LIN54: variants seen among roughly 807,000 people sequenced by gnomAD.
LIN54 encodes protein lin-54 homolog.
A neutral mutation model predicts 78.7 loss-of-function variants in LIN54; 9 were observed. The observed-to-expected ratio is 0.11, with a 90% CI of 0.07 to 0.20. The LOEUF (loss-of-function observed/expected upper bound fraction) is 0.20. Among genes scored for constraint, LIN54 ranks in the 10% least tolerant of loss-of-function variants. The pLI is 1.00. For synonymous variants in LIN54, 269 were observed against 318.4 expected, an observed-to-expected ratio of 0.84 and a Z score of 1.65; for missense variants, 573 against 889.9, an observed-to-expected ratio of 0.64 and a Z score of 4.53.
intron 12 of LIN54, among the ~76,000 whole-genome samples, chr4:82,929,292 ATT>A (rs1011068125): frequency 1.3e-5 from 2 of 152,038 alleles, no homozygotes; most frequent in African/African-American, 2.4e-5. Flanking sequence ...TAATTTTATA[ATT>A]TTGTTTTCAT....
chr4:83,007,849 C>A (rs975936761), intron 1 of LIN54, among the ~76,000 whole-genome samples: 26 of 151,870 alleles, frequency 1.7e-4, no homozygotes, highest in African/African-American at 5.8e-4. Flanking sequence ...AGATCCACTG[C>A]ACCCTAACCT....
intron 5 of LIN54, among the ~76,000 whole-genome samples, chr4:82,945,351 T>C (rs1723269162): frequency 6.6e-6 from 1 of 152,108 alleles, no homozygotes; most frequent in Non-Finnish European, 1.5e-5. Context: ...TTTAGAAAAG[T>C]AGCTAAATAT....
chr4:82,994,046 T>A (rs575173274), intron 1 of LIN54, among the ~76,000 whole-genome samples: 1 of 152,298 alleles, frequency 6.6e-6, no homozygotes, highest in African/African-American at 2.4e-5. Flanking sequence ...AAATGATTGA[T>A]TGATTTTAAA....
At chr4:82,979,805 C>G (rs1050478421) in intron 2 of LIN54, among the ~76,000 whole-genome samples, 1 of 151,434 alleles carries the variant, frequency 6.6e-6, no homozygotes, top group Middle Eastern at 3.2e-3. Flanking sequence ...GGTGTGGTGG[C>G]GCACACCTAT....
In LIN54 at chr4:83,010,539, G is replaced by A. The variant is rs527237530; in HGVS notation, c.-88C>T. On this transcript the variant is annotated 5_prime_UTR_variant, in exon 1 of 13. Coordinates refer to ENST00000340417, the MANE Select transcript of LIN54 (RefSeq NM_194282.4). ...GGCTCCGAGGTAGGGGCTCCAGAAGGTCCTGGGCAATCCCGAGCCCCGGCG... is the reference window on the plus strand; with the variant it reads ...GGCTCCGAGGTAGGGGCTCCAGAAGATCCTGGGCAATCCCGAGCCCCGGCG... 4.2e-5 allele frequency: 50 copies of A among 1,201,056 alleles called. No homozygotes were observed. In the East Asian group the frequency reaches 1.3e-3, roughly 31 times the overall value. 74.4% of individuals were successfully genotyped at this position (1,201,056 alleles called of 1,614,324 possible).
chr4:82,974,598 G>A (rs1041514064), intron 3 of LIN54, among the ~76,000 whole-genome samples: 3 of 151,922 alleles, frequency 2.0e-5, no homozygotes, highest in East Asian at 1.9e-4. Flanking sequence ...TTAGCCGGGC[G>A]TGATGGCACA....
rs568809305 is a variant in LIN54 at position 82,938,289 on chromosome 4, T to G, written c.1532+124A>C. ...GTTTGAAATATTTCAACAAGTATTT[T>G]AGAGGCATGCTCACATGGCTTTAAG... On this transcript the variant is annotated intron_variant, in intron 8 of 12. Transcript: ENST00000340417. 278 of 586,256 alleles carry G rather than the reference T, an allele frequency of 4.7e-4. 2 individuals carry two copies. Among genetic ancestry groups the G allele is most frequent in the Middle Eastern group, 2.1e-3 (8 of 3,746 alleles). The allele number at this position is 586,256 out of a possible 1,614,324, so 36.3% of individuals were successfully genotyped here. A position where few individuals can be genotyped will look rare whatever the true frequency, so the allele number is the denominator to read the frequency against.
At chr4:82,969,588 T>C (rs1015179961) in intron 4 of LIN54, among the ~76,000 whole-genome samples, 1 of 152,208 alleles carries the variant, frequency 6.6e-6, no homozygotes, top group African/African-American at 2.4e-5. Context: ...GTAAGGCAAA[T>C]GTTTAACGTT....
intron 1 of LIN54, among the ~76,000 whole-genome samples, chr4:82,991,875 G>A (rs1727745145): frequency 6.6e-6 from 1 of 151,698 alleles, no homozygotes; most frequent in Non-Finnish European, 1.5e-5. Context: ...ATTATATTTT[G>A]CTAATATTTT....
At chr4:83,002,522 T>C (rs1284727437) in intron 1 of LIN54, among the ~76,000 whole-genome samples, 2 of 151,926 alleles carry the variant, frequency 1.3e-5, no homozygotes, top group African/African-American at 4.8e-5. Context: ...GAAATTACAA[T>C]GTATTTCCAT....
In LIN54 at chr4:82,927,992, A is replaced by T; in HGVS notation, c.*110T>A. ...TCAGTATTATAATTTCAGGTCTTTTAAAACAAGGACTGAATTAAAATACAG... is the reference window on the plus strand; with the variant it reads ...TCAGTATTATAATTTCAGGTCTTTTTAAACAAGGACTGAATTAAAATACAG... On this transcript the variant is annotated 3_prime_UTR_variant, in exon 13 of 13. Coordinates refer to ENST00000340417, the MANE Select transcript of LIN54 (RefSeq NM_194282.4). The T allele has an allele frequency of 1.1e-6, 1 of 869,908 alleles. No homozygotes were observed. The highest frequency in any genetic ancestry group is 1.8e-6 in the Non-Finnish European group (1 of 546,534). The allele number at this position is 869,908 out of a possible 1,614,324, so 53.9% of individuals were successfully genotyped here.
chr4:82,939,438 A>G (rs1722654130), intron 7 of LIN54, 101 bp downstream of exon 7: 6 of 992,996 alleles, frequency 6.0e-6, no homozygotes, highest in South Asian at 5.3e-5. Context: ...TGCCACTTCA[A>G]TACTGAGTTA....
intron 1 of LIN54, among the ~76,000 whole-genome samples, chr4:82,987,508 C>T (rs1360196493): frequency 6.6e-6 from 1 of 152,098 alleles, no homozygotes; most frequent in African/African-American, 2.4e-5. Flanking sequence ...CTGTTGACCC[C>T]ACCTCTAAGT....
chr4:82,998,555 G>A (rs72664786), intron 1 of LIN54, among the ~76,000 whole-genome samples: 3 of 79,138 alleles, frequency 3.8e-5, no homozygotes, highest in South Asian at 3.7e-4. Flanking sequence ...AGAAAGAAAG[G>A]AAGGAAGAGA....
chr4:82,983,105 T>G (rs1348758659), intron 2 of LIN54, among the ~76,000 whole-genome samples: 2 of 151,760 alleles, frequency 1.3e-5, no homozygotes, highest in Admixed American at 1.3e-4. Flanking sequence ...CCTCCCGGGT[T>G]CAACCGATTC....
intron 4 of LIN54, among the ~76,000 whole-genome samples, chr4:82,949,605 C>G (rs1281448935): frequency 6.6e-6 from 1 of 152,070 alleles, no homozygotes; most frequent in African/African-American, 2.4e-5. Context: ...CCATGTTGGC[C>G]AGGCTGGTCT....
upstream of LIN54, among the ~76,000 whole-genome samples, chr4:83,011,441 C>T (rs1008501370): frequency 6.6e-6 from 1 of 152,130 alleles, no homozygotes; most frequent in Admixed American, 6.5e-5. Flanking sequence ...TCCAATCTGT[C>T]ATCGGTTTAA....
chr4:82,995,231 T>C (rs1457502610), intron 1 of LIN54, among the ~76,000 whole-genome samples: 1 of 151,896 alleles, frequency 6.6e-6, no homozygotes, highest in Admixed American at 6.6e-5. Flanking sequence ...TCTCAGAAGT[T>C]TGAAGCTGCA....
At chr4:82,996,798 G>A (rs1728268018) in intron 1 of LIN54, among the ~76,000 whole-genome samples, 1 of 151,976 alleles carries the variant, frequency 6.6e-6, no homozygotes, top group Non-Finnish European at 1.5e-5. Flanking sequence ...ACAGTTGAAT[G>A]GTTAAATGGT....
Sources: gnomAD v4.1 joint callset for allele counts (sites outside exome capture counted in the v4.1 genomes callset) on GRCh38, gnomAD v4.1.1 for gene constraint, MANE v1.5 for transcripts, NCBI Gene and HGNC (gene_info 2026-07-23, HGNC 2026-07-21) for gene names.